Variants in FGD1 observed in about 807,000 individuals in gnomAD.
FGD1 encodes the protein FYVE, RhoGEF and PH domain containing 1.
A neutral mutation model predicts 65.0 loss-of-function variants in FGD1; 12 were observed. The ratio of observed to expected loss-of-function variants is 0.18; its 90% CI spans 0.12 to 0.30. The LOEUF (loss-of-function observed/expected upper bound fraction) is 0.30. Among genes scored for constraint, FGD1 ranks in the 10% least tolerant of loss-of-function variants. The pLI, the probability that FGD1 is intolerant of heterozygous loss-of-function variation, is 1.00. For synonymous variants in FGD1, 333 were observed against 343.9 expected, an observed-to-expected ratio of 0.97 and a Z score of 0.35; for missense variants, 542 against 837.6, an observed-to-expected ratio of 0.65 and a Z score of 4.36.
chrX:54,458,844 A>C lies in FGD1; in HGVS notation c.1637-2277T>G, dbSNP rs145486225. On this transcript the variant is annotated intron_variant, in intron 8 of 17. Transcript: ENST00000375135. ...CAGTAGACTACGAGCTCCCTAGGACAGGGCCAAGGTCCCACTGCCCTCTCC... is the reference window on the plus strand; with the variant it reads ...CAGTAGACTACGAGCTCCCTAGGACCGGGCCAAGGTCCCACTGCCCTCTCC... Among the ~76,000 whole-genome samples the C allele has an allele frequency of 3.3e-3, 367 of 112,101 alleles. 1 individual carries two copies. Among genetic ancestry groups the C allele is most frequent in the Non-Finnish European group, 4.2e-3 (225 of 53,215 alleles).
Position 54,468,859 on chromosome X carries a change from C to G in FGD1, c.1119G>C (p.Lys373Asn). 8.3e-7 allele frequency: 1 copy of G among 1,202,283 alleles called. No individual in the cohort carries two copies. The highest frequency in any genetic ancestry group is 1.1e-6 in the Non-Finnish European group (1 of 887,611). ...GGAGCTCATTGGCAATGTGAAACACCTTTTGCTGCACAGTCAACTGGAAAG... is the reference window on the plus strand; with the variant it reads ...GGAGCTCATTGGCAATGTGAAACACGTTTTGCTGCACAGTCAACTGGAAAG... ...QESVELTVQQ[K>N]VFHIANELLQ... is the part of the protein sequence containing the mutation. Residue 373 changes from lysine (K) to asparagine (N), a missense_variant, in exon 5 of 18, where the codon AAG becomes AAC. Lys to Asn is a moderately conservative substitution (Grantham distance 94, BLOSUM62 0). Around this residue, in one of 6 missense-constraint regions of FGD1, gnomAD observed 297 missense variants for 326.8 expected, o/e 0.91. Coordinates refer to ENST00000375135, the MANE Select transcript of FGD1 (RefSeq NM_004463.3).
intron 16 of FGD1, 78 bp from the exon 17 acceptor site, chrX:54,447,532 G>A (rs2147421426): frequency 2.0e-6 from 2 of 1,018,228 alleles, no homozygotes; most frequent in East Asian, 3.2e-5. Flanking sequence ...CCTCCTCAGT[G>A]TAGGGACTGC....
chrX:54,471,317 G>C lies in FGD1; in HGVS notation c.478C>G (p.Gln160Glu). The C allele has an allele frequency of 8.3e-7, 1 of 1,210,289 alleles. No individual in the cohort carries two copies. Among genetic ancestry groups the C allele is most frequent in the Non-Finnish European group, 1.1e-6 (1 of 895,308 alleles). ...GCTCTTTTCCAGGACCACTTACCCT[G>C]TGGCTTCGGGCCCGGTGCCCGCTTC... is the stretch of plus-strand genomic sequence containing the variant. The part of the protein sequence containing the change: ...PLKRAPGPKP[Q>E]VPPKPSYLQM... Residue 160 changes from glutamine to glutamate, a missense_variant, in exon 2 of 18, where the codon CAG becomes GAG. Gln to Glu is a conservative substitution (Grantham distance 29). Around this residue, in one of 6 missense-constraint regions of FGD1, gnomAD observed 297 missense variants for 326.8 expected, o/e 0.91. Transcript: ENST00000375135.
intron 1 of FGD1, among the ~76,000 whole-genome samples, chrX:54,481,414 C>A (rs1923139854): frequency 1.0e-5 from 1 of 100,294 alleles, no homozygotes; most frequent in African/African-American, 3.7e-5. Context: ...CTGCTGAACA[C>A]CCACTCTGGG....
rs779801706 is a variant in FGD1 at position 54,447,197 on chromosome X, T to TAGGCTCACCTTATCTTCCA, written c.2580+95_2580+113dup. 8.9e-4 allele frequency: 740 copies of TAGGCTCACCTTATCTTCCA among 835,354 alleles called. 1 individual carries two copies. The highest frequency in any genetic ancestry group is 1.6e-3 in the Admixed American group (62 of 39,679). 68.8% of individuals were successfully genotyped at this position (835,354 alleles called of 1,213,427 possible). A position where few individuals can be genotyped will look rare whatever the true frequency, so the allele number is the denominator to read the frequency against. On this transcript the variant is annotated intron_variant, in intron 17 of 17. Transcript: ENST00000375135. Reference sequence around the variant, plus strand: ...TGGGGTTCTGATTTCCTCTTAGAGATAGGCTCACCTTATCTTCCAAGGCTC... The same window carrying TAGGCTCACCTTATCTTCCA: ...TGGGGTTCTGATTTCCTCTTAGAGATAGGCTCACCTTATCTTCCAAGGCTCACCTTATCTTCCAAGGCTC...
At position 54,447,443 on chromosome X, in the gene FGD1, T is replaced by C. The variant is rs1922248522; in HGVS notation, c.2448A>G (p.Ser816=). The change falls in exon 17 of 18, where the codon TCA becomes TCG. Residue 816 remains serine, a synonymous_variant. Transcript: ENST00000375135. ...RRRSILEKQA[S]VAAENSVICS... ...AGATGACGCTGTTCTCTGCAGCCAC[T>C]GAGGCCTGTTTCTGTGGCCAGAGAC... 5.0e-6 allele frequency: 6 copies of C among 1,210,281 alleles called. No individual in the cohort carries two copies. Among genetic ancestry groups the C allele is most frequent in the Non-Finnish European group, 6.7e-6 (6 of 894,517 alleles).
Position 54,470,722 on chromosome X carries a change from G to GCCCCCGGGGGGGGGGC in FGD1, c.519_520insGCCCCCCCCCCGGGGG (p.Pro174AlafsTer48). On this transcript the variant is annotated frameshift_variant, in exon 3 of 18. Transcript: ENST00000375135. LOFTEE classifies it high-confidence loss of function. ...GGGGGGATGGGCTCCAGTGGGGGGG[G>GCCCCCGGGGGGGGGGC]CATCCGGGGCATCTGCAGGTAGCTG... The GCCCCCGGGGGGGGGGC allele has an allele frequency of 1.9e-6, 1 of 538,259 alleles. No homozygotes were observed. Among genetic ancestry groups the GCCCCCGGGGGGGGGGC allele is most frequent in the Non-Finnish European group, 2.8e-6 (1 of 356,052 alleles). The allele number at this position is 538,259 out of a possible 1,213,427, so 44.4% of individuals were successfully genotyped here.
chrX:54,449,225 T>C lies in FGD1; in HGVS notation c.2192A>G (p.Lys731Arg). 1.7e-6 allele frequency: 2 copies of C among 1,211,385 alleles called. No individual in the cohort carries two copies. Among genetic ancestry groups the C allele is most frequent in the Non-Finnish European group, 2.2e-6 (2 of 895,042 alleles). Residue 731 changes from lysine to arginine, a missense_variant, in exon 15 of 18, where the codon AAG (lysine) becomes AGG (arginine). Lys to Arg is a conservative substitution (Grantham distance 26). Coordinates refer to ENST00000375135, the MANE Select transcript of FGD1 (RefSeq NM_004463.3). The part of the protein sequence containing the change: ...GKRAPTPIRE[K>R]EVTMCMRCQE... ...GCAGCGCATGCACATGGTGACTTCC[T>C]TTTCCCGGATGGGCGTAGGTGCCCG...
At chrX:54,449,468 A>T (rs948634700) in intron 14 of FGD1, among the ~76,000 whole-genome samples, 191 bp downstream of exon 14, 8 of 111,358 alleles carry the variant, frequency 7.2e-5, no homozygotes, top group African/African-American at 2.6e-4. Flanking sequence ...CACTTCTATT[A>T]TACTTTCTGG....
At chrX:54,460,559 G>A (rs1252343033) in intron 8 of FGD1, among the ~76,000 whole-genome samples, 3 of 111,936 alleles carry the variant, frequency 2.7e-5, no homozygotes, top group Non-Finnish European at 5.7e-5. Context: ...TGGCCAACAC[G>A]GTGAAACACT....
intron 10 of FGD1, 62 bp from the exon 11 acceptor site, chrX:54,455,846 C>T: frequency 2.1e-6 from 2 of 963,817 alleles, no homozygotes; most frequent in Non-Finnish European, 2.9e-6. Flanking sequence ...GGCCCAGCTC[C>T]TTGCCCTGAA....
intron 1 of FGD1, among the ~76,000 whole-genome samples, chrX:54,494,461 G>A (rs1184065266): frequency 9.1e-5 from 9 of 98,934 alleles, no homozygotes; most frequent in African/African-American, 3.5e-4. Context: ...AATAGTACAG[G>A]AGAAAATCAC....
At chrX:54,484,173 T>C (rs1923219279) in intron 1 of FGD1, among the ~76,000 whole-genome samples, 1 of 112,091 alleles carries the variant, frequency 8.9e-6, no homozygotes, top group African/African-American at 3.2e-5. Flanking sequence ...CACATGTTGT[T>C]CCCGTGACCC....
At chrX:54,462,038 T>C (rs1463466836) in intron 8 of FGD1, among the ~76,000 whole-genome samples, 1 of 110,703 alleles carries the variant, frequency 9.0e-6, no homozygotes, top group Non-Finnish European at 1.9e-5. Flanking sequence ...CTGGGGATCT[T>C]AGTTTGAGAA....
chrX:54,453,150 A>G (rs996803937), intron 12 of FGD1, among the ~76,000 whole-genome samples: 2 of 111,073 alleles, frequency 1.8e-5, no homozygotes, highest in African/African-American at 6.5e-5. Flanking sequence ...TCTGCAGATG[A>G]TGAGTCCCTG....
At chrX:54,473,843 G>T (rs1206047809) in intron 1 of FGD1, among the ~76,000 whole-genome samples, 2 of 110,633 alleles carry the variant, frequency 1.8e-5, no homozygotes, top group African/African-American at 6.6e-5. Flanking sequence ...AATTAGCTGG[G>T]TGTGGTGGTG....
intron 17 of FGD1, 113 bp downstream of exon 17, chrX:54,447,198 A>G: frequency 4.8e-6 from 4 of 839,664 alleles, no homozygotes; most frequent in Non-Finnish European, 7.0e-6. Flanking sequence ...TCTTAGAGAT[A>G]GGCTCACCTT....
In FGD1 at chrX:54,465,593, T is replaced by G; in HGVS notation, c.1498-4A>C. ...GGTTGCCACAGGCTTCCTCCTTCTG[T>G]GACAGGCAGAAGCAGAGGGGCTCAG... On this transcript the variant is annotated splice_region_variant and splice_polypyrimidine_tract_variant and intron_variant, in intron 7 of 17. Coordinates refer to ENST00000375135, the MANE Select transcript of FGD1 (RefSeq NM_004463.3). 8.3e-7 allele frequency: 1 copy of G among 1,209,299 alleles called. No individual in the cohort carries two copies. The highest frequency in any genetic ancestry group is 1.1e-6 in the Non-Finnish European group (1 of 894,363).
chrX:54,465,926 C>T, intron 6 of FGD1, 74 bp from the exon 7 acceptor site: 1 of 1,104,051 alleles, frequency 9.1e-7, no homozygotes, highest in Admixed American at 2.3e-5. Context: ...AAGTTTCCAG[C>T]CCCAGGCAGA....
Sources: gnomAD v4.1 joint callset for allele counts (sites outside exome capture counted in the v4.1 genomes callset) on GRCh38, gnomAD v4.1.1 for gene constraint, gnomAD v4.1.1 regional missense constraint, MANE v1.5 for transcripts, NCBI Gene and HGNC (gene_info 2026-07-23, HGNC 2026-07-21) for gene names.